KIF7: variants seen among roughly 807,000 people sequenced by gnomAD.
KIF7 encodes kinesin-like protein KIF7.
A neutral mutation model predicts 135.7 loss-of-function variants in KIF7; 104 were observed. That is an observed-to-expected ratio of 0.77 (90% CI 0.65 to 0.90). The LOEUF is 0.90. Among genes scored for constraint, KIF7 ranks in the 40% least tolerant of loss-of-function variants. KIF7 has a pLI of 0.00. For synonymous variants in KIF7, 883 were observed against 809.4 expected (o/e 1.09, Z -1.54); for missense variants, 2,005 against 1,839.1 (o/e 1.09, Z -1.65).
At position 89,648,273 on chromosome 15, in the gene KIF7, C is replaced by A; in HGVS notation, c.1425G>T (p.Gln475His). 1 of 1,519,306 alleles carries A rather than the reference C, an allele frequency of 6.6e-7. No homozygotes were observed. The highest frequency in any genetic ancestry group is 8.8e-7 in the Non-Finnish European group (1 of 1,136,758). The allele number at this position is 1,519,306 out of a possible 1,614,324, so 94.1% of individuals were successfully genotyped here. The change falls in exon 5 of 19, where the codon CAG becomes CAT. Residue 475 changes from glutamine (Q) to histidine (H), a missense_variant. Physicochemically the swap from Gln to His is conservative, Grantham distance 24. Coordinates refer to ENST00000394412, the MANE Select transcript of KIF7 (RefSeq NM_198525.3). ...CGGCCACCTTTCGCCCGCCGGCCCC[C>A]TGCGCCGCCTGGTCCTCGACGGAGG... is the stretch of plus-strand genomic sequence containing the variant. ...ESASVEDQAA[Q>H]GAGGRKEDEG...
rs575165138 is a variant in KIF7, at chr15:89,629,058, C to T, written c.3582G>A (p.Glu1194=). Residue 1194 remains glutamate, a synonymous_variant, in exon 18 of 19, where the codon GAG becomes GAA. Coordinates refer to ENST00000394412, the MANE Select transcript of KIF7 (RefSeq NM_198525.3). ...RQYEARIQAL[E]KELGRYMWIN... is the part of the protein sequence containing the mutation. ...TCCACATGTAACGGCCCAGTTCCTT[C>T]TCCAGAGCTTGAATCCGGGCCTCAT... 8 of 1,613,554 alleles carry T rather than the reference C, an allele frequency of 5.0e-6. No homozygotes were observed. The South Asian group carries it at 5.5e-5, about 11-fold the overall frequency.
chr15:89,626,085 A>AC, downstream of KIF7: 1 of 1,609,774 alleles, frequency 6.2e-7, no homozygotes, highest in Non-Finnish European at 8.5e-7. Context: ...AAGGTCTAGG[A>AC]CCCTTTCCTG....
chr15:89,623,951 A>C (rs746968359), downstream of KIF7: 1 of 1,614,084 alleles, frequency 6.2e-7, no homozygotes, highest in Non-Finnish European at 8.5e-7. Flanking sequence ...ACTTGGCCAC[A>C]TTCAGTGAAT....
In KIF7 at chr15:89,628,962, C is replaced by G; in HGVS notation, c.3664+14G>C. ...AGGGAACAGGTCTGACTTCAGAGCG[C>G]GACGAGGAGTTACCCCTGCTGTGGC... On this transcript the variant is annotated intron_variant, in intron 18 of 18. Transcript: ENST00000394412. 3 of 1,613,870 alleles carry G rather than the reference C, an allele frequency of 1.9e-6. No homozygotes were observed. Among genetic ancestry groups the G allele is most frequent in the Non-Finnish European group, 2.5e-6 (3 of 1,179,986 alleles).
At chr15:89,655,727 C>T (rs973091385), upstream of KIF7, among the ~76,000 whole-genome samples, 4 of 152,214 alleles carry the variant, frequency 2.6e-5, no homozygotes, top group Admixed American at 6.5e-5. Flanking sequence ...CCTTCATCCC[C>T]GGTCTCTGTT....
chr15:89,647,822 G>C, intron 5 of KIF7, 110 bp from the exon 6 acceptor site: 1 of 899,642 alleles, frequency 1.1e-6, no homozygotes, highest in Non-Finnish European at 1.7e-6. Context: ...AGCCCTACCT[G>C]CAGTGGGAAC....
At position 89,646,874 on chromosome 15, in the gene KIF7, C is replaced by T; in HGVS notation, c.1744G>A (p.Ala582Thr). The change falls in exon 7 of 19, where the codon GCC (alanine) becomes ACC (threonine). Residue 582 changes from alanine (A) to threonine (T), a missense_variant. Physicochemically the swap from Ala to Thr is moderately conservative, Grantham distance 58. Transcript: ENST00000394412. Reference protein sequence around the residue: ...HAHVLGMVPPACLPGDEVGSE... With the variant: ...HAHVLGMVPPTCLPGDEVGSE... ...CCAACTTCATCTCCAGGGAGGCAGG[C>T]AGGCGGCACCATGCCCAGCACATGG... 1 of 1,614,148 alleles carries T rather than the reference C, an allele frequency of 6.2e-7. No homozygotes were observed. The highest frequency in any genetic ancestry group is 2.2e-5 in the East Asian group (1 of 44,874).
intron 16 of KIF7, 82 bp downstream of exon 16, chr15:89,630,205 A>G: frequency 1.5e-6 from 2 of 1,312,874 alleles, no homozygotes; most frequent in Non-Finnish European, 2.2e-6. Context: ...GAAACGGGAT[A>G]TCCGCTGGAG....
chr15:89,634,368 G>A (rs1032666993), intron 11 of KIF7, among the ~76,000 whole-genome samples: 26 of 152,182 alleles, frequency 1.7e-4, no homozygotes, highest in East Asian at 1.9e-4. Context: ...AGCTCCCAGC[G>A]TGAGTGACGC....
intron 1 of KIF7, chr15:89,618,215 G>A (rs369253867): frequency 2.5e-6 from 4 of 1,613,652 alleles, no homozygotes; most frequent in African/African-American, 2.7e-5. Flanking sequence ...GAGATGGTGA[G>A]TGTTATCTCT....
chr15:89,642,119 G>A (rs1963932311), intron 11 of KIF7, 84 bp downstream of exon 11: 2 of 1,409,102 alleles, frequency 1.4e-6, no homozygotes, highest in Admixed American at 1.7e-5. Context: ...TTGGGCCTCA[G>A]AGCCCACATG....
chr15:89,644,979 C>T (rs545085025), intron 10 of KIF7, 34 bp downstream of exon 10: 27 of 1,604,850 alleles, frequency 1.7e-5, no homozygotes, highest in African/African-American at 8.0e-5. Context: ...AAGTCCCCCT[C>T]GGGTGAGAGG....
At chr15:89,652,505 A>C (rs919533208) in intron 2 of KIF7, 98 bp downstream of exon 2, 1 of 958,670 alleles carries the variant, frequency 1.0e-6, no homozygotes, top group South Asian at 1.8e-5. Context: ...CAGCATCCCC[A>C]CCTTCCACAG....
chr15:89,657,294 G>C (rs1375703992), upstream of KIF7, among the ~76,000 whole-genome samples: 3 of 131,380 alleles, frequency 2.3e-5, no homozygotes, highest in Non-Finnish European at 4.7e-5. Context: ...CTGTGTGAGA[G>C]AGTGAGACCC....
chr15:89,624,791 C>G, downstream of KIF7: 1 of 1,614,198 alleles, frequency 6.2e-7, no homozygotes, highest in Non-Finnish European at 8.5e-7. Context: ...CTAAGGACAG[C>G]AGATGCTGAG....
downstream of KIF7, chr15:89,624,372 C>T (rs751126704): frequency 3.1e-6 from 5 of 1,614,156 alleles, no homozygotes; most frequent in South Asian, 5.5e-5. Flanking sequence ...CATCTCTCTC[C>T]TGCCCTGTTC....
intron 8 of KIF7, among the ~76,000 whole-genome samples, 157 bp from the exon 9 acceptor site, chr15:89,645,608 G>A (rs1185719453): frequency 1.3e-5 from 2 of 152,118 alleles, no homozygotes; most frequent in Non-Finnish European, 2.9e-5. Context: ...GGAGTCCAGG[G>A]GCAGAGTTTT....
chr15:89,647,677 C>T lies in KIF7; in HGVS notation c.1479G>A (p.Gln493=), dbSNP rs1256746017. Residue 493 remains glutamine, a synonymous_variant, in exon 6 of 19, where the codon CAG becomes CAA. Coordinates refer to ENST00000394412, the MANE Select transcript of KIF7 (RefSeq NM_198525.3). ...CCTCCTCCAGCCGCGCCACCTGGTT[C>T]TGCAGGGTCAGCAGCTGCTGCGCCC... The part of the protein sequence containing the change: ...DEGAQQLLTL[Q]NQVARLEEEN... 6.2e-7 allele frequency: 1 copy of T among 1,605,792 alleles called. No individual in the cohort carries two copies. Among genetic ancestry groups the T allele is most frequent in the Non-Finnish European group, 8.5e-7 (1 of 1,177,784 alleles).
At chr15:89,621,613 G>A (rs1963427079) in intron 1 of KIF7, 6 of 1,405,716 alleles carry the variant, frequency 4.3e-6, no homozygotes. Flanking sequence ...CATGGCCAAG[G>A]AACTCAGAGT....
Sources: allele counts gnomAD v4.1 joint callset (sites outside exome capture counted in the v4.1 genomes callset), GRCh38; gene constraint gnomAD v4.1.1; transcripts MANE v1.5; gene names NCBI Gene and HGNC (gene_info 2026-07-23, HGNC 2026-07-21).